Variants in ZNF804A observed in about 807,000 individuals in gnomAD.
The protein encoded by ZNF804A is zinc finger protein 804A.
In ZNF804A, 2 loss-of-function variants were observed where a neutral mutation model predicts 16.5. That is an observed-to-expected ratio of 0.12 (90% confidence interval 0.05 to 0.38). The LOEUF (loss-of-function observed/expected upper bound fraction) is 0.38. ZNF804A is among the 10% of genes least tolerant of loss of function. The pLI is 0.99. For synonymous variants in ZNF804A, 534 were observed against 489.6 expected (o/e 1.09, Z -1.20); for missense variants, 1,473 against 1,390.7 (o/e 1.06, Z -0.94).
chr2:184,820,389 A>G (rs1558971601), intron 1 of ZNF804A, among the ~76,000 whole-genome samples: 1 of 152,132 alleles, frequency 6.6e-6, no homozygotes, highest in Non-Finnish European at 1.5e-5. Flanking sequence ...AAAGCTTTCA[A>G]TGAACTAGGT....
At chr2:184,632,939 G>A (rs1574139744) in intron 1 of ZNF804A, among the ~76,000 whole-genome samples, 1 of 152,280 alleles carries the variant, frequency 6.6e-6, no homozygotes, top group East Asian at 1.9e-4. Flanking sequence ...TTCTTAGAAA[G>A]TAATGCTTAG....
At chr2:184,773,722 C>T (rs1048866976) in intron 1 of ZNF804A, among the ~76,000 whole-genome samples, 1 of 151,724 alleles carries the variant, frequency 6.6e-6, no homozygotes, top group East Asian at 1.9e-4. Context: ...GTGATGGATG[C>T]ACCAAAATCT....
intron 2 of ZNF804A, among the ~76,000 whole-genome samples, chr2:184,931,273 G>A (rs1323947006): frequency 1.3e-5 from 2 of 152,196 alleles, no homozygotes; most frequent in Non-Finnish European, 2.9e-5. Context: ...CTATGTGGGG[G>A]ATCCCACTCA....
At chr2:184,812,330 A>G (rs1694913972) in intron 1 of ZNF804A, among the ~76,000 whole-genome samples, 1 of 152,210 alleles carries the variant, frequency 6.6e-6, no homozygotes, top group Non-Finnish European at 1.5e-5. Context: ...AAAAATGTAG[A>G]GGGAAACCTT....
At chr2:184,841,680 A>G (rs1695438446) in intron 1 of ZNF804A, among the ~76,000 whole-genome samples, 2 of 152,186 alleles carry the variant, frequency 1.3e-5, no homozygotes, top group Admixed American at 1.3e-4. Flanking sequence ...AGTGTTTTAT[A>G]TTATCATATG....
chr2:184,737,327 C>T (rs949612389), intron 1 of ZNF804A, among the ~76,000 whole-genome samples: 3 of 152,014 alleles, frequency 2.0e-5, no homozygotes, highest in African/African-American at 7.2e-5. Context: ...TCCCAAAGTG[C>T]TGGGATTACA....
At chr2:184,817,946 A>G (rs1695008715) in intron 1 of ZNF804A, among the ~76,000 whole-genome samples, 2 of 152,058 alleles carry the variant, frequency 1.3e-5, no homozygotes, top group Admixed American at 1.3e-4. Context: ...GGGTACCTGA[A>G]AGAGACAGGA....
chr2:184,765,749 A>T (rs1347586082), intron 1 of ZNF804A, among the ~76,000 whole-genome samples: 1 of 152,066 alleles, frequency 6.6e-6, no homozygotes, highest in Non-Finnish European at 1.5e-5. Context: ...AGAGTTTTGT[A>T]TACGGCTCGT....
intron 3 of ZNF804A, among the ~76,000 whole-genome samples, chr2:184,934,789 G>A (rs558846559): frequency 2.6e-5 from 4 of 152,066 alleles, no homozygotes; most frequent in Admixed American, 2.6e-4. Context: ...TCAGTATAAA[G>A]CACATATTTT....
At chr2:184,872,874 G>T (rs985411946) in intron 2 of ZNF804A, among the ~76,000 whole-genome samples, 7 of 152,178 alleles carry the variant, frequency 4.6e-5, no homozygotes, top group African/African-American at 1.7e-4. Flanking sequence ...CTGAAGATGT[G>T]TTTTGTTGAT....
In ZNF804A at chr2:184,881,289, A is replaced by G. The variant is rs145567769; in HGVS notation, c.255+14777A>G. 2.2e-3 allele frequency among the ~76,000 whole-genome samples: 328 copies of G among 151,730 alleles called. 1 individual carries two copies. Among genetic ancestry groups the G allele is most frequent in the Middle Eastern group, 6.8e-3 (2 of 294 alleles). On this transcript the variant is annotated intron_variant, in intron 2 of 3. Coordinates refer to ENST00000302277, the MANE Select transcript of ZNF804A (RefSeq NM_194250.2). Reference sequence around the variant, plus strand: ...ATTATGTGAAGAAACCAAGTCTGTCACTCACTGGCGTCCCTGAAAGACAGG... The same window carrying G: ...ATTATGTGAAGAAACCAAGTCTGTCGCTCACTGGCGTCCCTGAAAGACAGG...
chr2:184,831,279 G>GTT (rs147955346), intron 1 of ZNF804A, among the ~76,000 whole-genome samples: 3 of 151,190 alleles, frequency 2.0e-5, no homozygotes, highest in African/African-American at 7.3e-5. Flanking sequence ...TATTAAATCA[G>GTT]TTTTTTTTGC....
chr2:184,805,467 C>A (rs1025712768), intron 1 of ZNF804A, among the ~76,000 whole-genome samples: 1 of 151,982 alleles, frequency 6.6e-6, no homozygotes, highest in Non-Finnish European at 1.5e-5. Context: ...AATCTCAAAC[C>A]ACTTACTGTA....
intron 1 of ZNF804A, among the ~76,000 whole-genome samples, chr2:184,828,945 T>A (rs1315191658): frequency 1.3e-5 from 2 of 151,880 alleles, no homozygotes; most frequent in Non-Finnish European, 2.9e-5. Context: ...ATTGTATACA[T>A]CCTAATACTT....
At chr2:184,731,302 C>T (rs1300170275) in intron 1 of ZNF804A, among the ~76,000 whole-genome samples, 1 of 74,912 alleles carries the variant, frequency 1.3e-5, no homozygotes, top group African/African-American at 4.6e-5. Flanking sequence ...AAAAAAGAAA[C>T]TGCTAAACTG....
rs112021606 is a variant in ZNF804A at position 184,937,997 on chromosome 2, G to A, written c.2601G>A (p.Arg867=). The part of the protein sequence containing the change: ...MKPQEVAKIE[R]NSEQTNQLRN... Reference sequence around the variant, plus strand: ...CACAAGAAGTTGCAAAAATCGAAAGGAACTCAGAACAAACAAACCAATTAA... The same window carrying A: ...CACAAGAAGTTGCAAAAATCGAAAGAAACTCAGAACAAACAAACCAATTAA... The change falls in exon 4 of 4, where the codon AGG becomes AGA. Residue 867 remains arginine, a synonymous_variant. Transcript: ENST00000302277. 6,883 of 1,613,984 alleles carry A rather than the reference G, an allele frequency of 4.3e-3. 101 individuals are homozygous for A. Among genetic ancestry groups the A allele is most frequent in the South Asian group, 0.032 (2,885 of 91,080 alleles).
At position 184,728,727 on chromosome 2, in the gene ZNF804A, T is replaced by G. The variant is rs191180808; in HGVS notation, c.111+129657T>G. ...CATGAAAAATAAGCCAGCATAATTT[T>G]CAAAAAGAGATCTTGATTTAGCTTG... On this transcript the variant is annotated intron_variant, in intron 1 of 3. Coordinates refer to ENST00000302277, the MANE Select transcript of ZNF804A (RefSeq NM_194250.2). 2.0e-5 allele frequency among the ~76,000 whole-genome samples: 3 copies of G among 152,020 alleles called. No individual in the cohort carries two copies. In the East Asian group the frequency reaches 5.8e-4, roughly 29 times the overall value.
chr2:184,603,313 C>A (rs1382344725), intron 1 of ZNF804A, among the ~76,000 whole-genome samples: 39 of 152,030 alleles, frequency 2.6e-4, no homozygotes, highest in Admixed American at 2.6e-3. Flanking sequence ...AAAATATATT[C>A]ACATCTTTTG....
intron 1 of ZNF804A, among the ~76,000 whole-genome samples, chr2:184,661,828 A>G (rs1213695216): frequency 1.3e-5 from 2 of 152,230 alleles, no homozygotes; most frequent in East Asian, 3.9e-4. Context: ...ATAAGTTATT[A>G]TTAAATTTTA....
Sources: gnomAD v4.1 joint callset for allele counts (sites outside exome capture counted in the v4.1 genomes callset) on GRCh38, gnomAD v4.1.1 for gene constraint, MANE v1.5 for transcripts, NCBI Gene and HGNC (gene_info 2026-07-23, HGNC 2026-07-21) for gene names.